SHISA9: variants seen among roughly 807,000 people sequenced by gnomAD.
SHISA9 encodes the protein protein shisa-9.
Under a neutral mutation model 38.0 loss-of-function variants are expected in SHISA9, and 13 were observed. The ratio of observed to expected loss-of-function variants is 0.34; its 90% CI spans 0.22 to 0.54. SHISA9 has a LOEUF of 0.54. Ranked by LOEUF, SHISA9 falls within the 20% of genes least tolerant of loss-of-function variation. The probability of loss-of-function intolerance (pLI) is 0.91; values close to 1 mark genes in which losing one functional copy is unlikely to be tolerated. For synonymous variants in SHISA9, 275 were observed against 242.0 expected, an observed-to-expected ratio of 1.14 and a Z score of -1.27; for missense variants, 538 against 575.8, an observed-to-expected ratio of 0.93 and a Z score of 0.67.
intron 3 of SHISA9, 73 bp downstream of exon 3, chr16:13,203,622 T>C: frequency 7.4e-7 from 1 of 1,353,886 alleles, no homozygotes; most frequent in Non-Finnish European, 9.6e-7. Context: ...TAGATCTCTT[T>C]ATCTCCAGTT....
chr16:13,456,721 G>T, the SHISA9 span, among the ~76,000 whole-genome samples: 1 of 152,216 alleles, frequency 6.6e-6, no homozygotes, highest in East Asian at 1.9e-4. Flanking sequence ...GAAGACTAAT[G>T]ATCAGCGCCA....
intron 2 of SHISA9, among the ~76,000 whole-genome samples, chr16:13,091,035 T>C (rs2073769472): frequency 6.6e-6 from 1 of 152,156 alleles, no homozygotes; most frequent in African/African-American, 2.4e-5. Context: ...CTGTAAAGGA[T>C]TTTATTTCTC....
the SHISA9 span, among the ~76,000 whole-genome samples, chr16:13,379,976 C>T: frequency 3.3e-5 from 5 of 151,892 alleles, no homozygotes; most frequent in African/African-American, 1.2e-4. Context: ...GTATGAAGGG[C>T]CTTTTATAAC....
At chr16:13,365,789 T>C in the SHISA9 span, among the ~76,000 whole-genome samples, 5 of 152,120 alleles carry the variant, frequency 3.3e-5, no homozygotes, top group Admixed American at 3.3e-4. Context: ...CTTCACATCT[T>C]ATGGATTGCA....
chr16:13,469,941 C>T, the SHISA9 span, among the ~76,000 whole-genome samples: 1 of 152,116 alleles, frequency 6.6e-6, no homozygotes, highest in Non-Finnish European at 1.5e-5. Context: ...AGTGTTTGGC[C>T]ACTTATTGTC....
chr16:13,119,159 G>A (rs1186594678), intron 2 of SHISA9, among the ~76,000 whole-genome samples: 1 of 152,160 alleles, frequency 6.6e-6, no homozygotes. Context: ...GAGCCACCGC[G>A]CCTGGCCCAC....
chr16:13,524,787 G>A, the SHISA9 span, among the ~76,000 whole-genome samples: 8 of 150,718 alleles, frequency 5.3e-5, no homozygotes, highest in South Asian at 2.1e-4. Flanking sequence ...GGCTGGTTTC[G>A]AACTCCTAGC....
At chr16:13,007,961 T>C (rs925433855) in intron 2 of SHISA9, among the ~76,000 whole-genome samples, 1 of 152,120 alleles carries the variant, frequency 6.6e-6, no homozygotes, top group Admixed American at 6.5e-5. Flanking sequence ...GTGCTCTACC[T>C]TATTTCTTCT....
At chr16:13,222,916 C>A (rs1450970366) in intron 4 of SHISA9, among the ~76,000 whole-genome samples, 1 of 152,038 alleles carries the variant, frequency 6.6e-6, no homozygotes, top group African/African-American at 2.4e-5. Context: ...AGTTACTACC[C>A]TTTGGATACT....
the SHISA9 span, among the ~76,000 whole-genome samples, chr16:13,529,359 T>C: frequency 2.6e-5 from 4 of 152,224 alleles, no homozygotes; most frequent in Admixed American, 2.0e-4. Flanking sequence ...TAAACATTCC[T>C]TTCTGCTGAC....
At chr16:13,270,001 A>G in the SHISA9 span, among the ~76,000 whole-genome samples, 1 of 152,148 alleles carries the variant, frequency 6.6e-6, no homozygotes, top group African/African-American at 2.4e-5. Context: ...AGACCCAGAG[A>G]GCCTGACCCA....
At chr16:13,550,852 A>ACG in the SHISA9 span, among the ~76,000 whole-genome samples, 2 of 151,960 alleles carry the variant, frequency 1.3e-5, no homozygotes, top group Admixed American at 1.3e-4. Flanking sequence ...GGCCAGGTGC[A>ACG]GTGGCTCACA....
At chr16:13,530,835 T>G in the SHISA9 span, among the ~76,000 whole-genome samples, 4 of 152,126 alleles carry the variant, frequency 2.6e-5, no homozygotes, top group African/African-American at 7.2e-5. Flanking sequence ...TTCCCTCCAT[T>G]GGTTCAGGAA....
the SHISA9 span, among the ~76,000 whole-genome samples, chr16:13,527,697 G>A: frequency 5.9e-5 from 9 of 152,136 alleles, no homozygotes; most frequent in African/African-American, 1.7e-4. Flanking sequence ...TGTTTGCCCC[G>A]ACACTCAGAT....
chr16:13,371,605 A>G, the SHISA9 span, among the ~76,000 whole-genome samples: 1 of 152,212 alleles, frequency 6.6e-6, no homozygotes, highest in South Asian at 2.1e-4. Flanking sequence ...AAACACTCCT[A>G]AGGAAGTTAA....
At chr16:13,402,106 T>C in the SHISA9 span, among the ~76,000 whole-genome samples, 1 of 150,536 alleles carries the variant, frequency 6.6e-6, no homozygotes, top group East Asian at 1.9e-4. Context: ...ATCAGTGTTC[T>C]CCAGAGAAAT....
At chr16:13,209,720 C>T (rs1008039368) in intron 3 of SHISA9, among the ~76,000 whole-genome samples, 2 of 152,222 alleles carry the variant, frequency 1.3e-5, no homozygotes, top group African/African-American at 2.4e-5. Flanking sequence ...TACAAGTTCC[C>T]TGGCCTGAGG....
chr16:13,194,013 C>T (rs945194812), intron 2 of SHISA9, among the ~76,000 whole-genome samples: 1 of 152,190 alleles, frequency 6.6e-6, no homozygotes, highest in Non-Finnish European at 1.5e-5. Flanking sequence ...CATTCCTCCC[C>T]TACCCTGCAT....
chr16:13,516,889 C>G, the SHISA9 span, among the ~76,000 whole-genome samples: 1,316 of 152,004 alleles, frequency 8.7e-3, 18 homozygotes, highest in African/African-American at 0.03. Flanking sequence ...CATGCTGGTA[C>G]ACAGTATGTG....
Sources: allele counts gnomAD v4.1 joint callset (sites outside exome capture counted in the v4.1 genomes callset), GRCh38; gene constraint gnomAD v4.1.1; transcripts MANE v1.5; gene names NCBI Gene and HGNC (gene_info 2026-07-23, HGNC 2026-07-21).